Variants in ASIC2 observed in about 807,000 individuals in gnomAD.
ASIC2 encodes the protein acid sensing ion channel subunit 2.
ASIC2 carries 25 observed loss-of-function variants against 57.3 expected under a neutral mutation model. The observed-to-expected ratio is 0.44, with a 90% CI of 0.32 to 0.61. The LOEUF (loss-of-function observed/expected upper bound fraction) is 0.61. Ranked by LOEUF, ASIC2 falls within the 20% of genes least tolerant of loss-of-function variation. The pLI is 0.06. For missense variants in ASIC2, 641 were observed against 738.1 expected (o/e 0.87, Z 1.52); for synonymous variants, 319 against 307.5 (o/e 1.04, Z -0.39).
At chr17:33,677,489 C>A (rs955808005) in intron 1 of ASIC2, among the ~76,000 whole-genome samples, 1 of 152,258 alleles carries the variant, frequency 6.6e-6, no homozygotes, top group East Asian at 1.9e-4. Context: ...TGAATCCGGG[C>A]AAAGTGAATT....
chr17:33,900,102 G>T (rs994569802), intron 1 of ASIC2, among the ~76,000 whole-genome samples: 5 of 152,170 alleles, frequency 3.3e-5, no homozygotes, highest in African/African-American at 4.8e-5. Flanking sequence ...CATGGTAACC[G>T]CACATAGTAG....
chr17:33,148,259 C>T (rs971630803), intron 1 of ASIC2, among the ~76,000 whole-genome samples: 1 of 152,200 alleles, frequency 6.6e-6, no homozygotes, highest in South Asian at 2.1e-4. Context: ...ATACCATATG[C>T]TACCCACATA....
intron 1 of ASIC2, among the ~76,000 whole-genome samples, chr17:33,151,785 C>T (rs1904810222): frequency 6.6e-6 from 1 of 152,240 alleles, no homozygotes; most frequent in Non-Finnish European, 1.5e-5. Flanking sequence ...GCAGGCTCTT[C>T]GACCTTGGAC....
At chr17:33,462,061 T>G (rs1912655062) in intron 1 of ASIC2, among the ~76,000 whole-genome samples, 2 of 152,216 alleles carry the variant, frequency 1.3e-5, no homozygotes, top group African/African-American at 4.8e-5. Flanking sequence ...TTTCATGATA[T>G]TCAGGTAAGC....
intron 1 of ASIC2, among the ~76,000 whole-genome samples, chr17:34,021,837 G>GCT (rs780744177): frequency 8.5e-6 from 1 of 118,340 alleles, no homozygotes; most frequent in African/African-American, 3.1e-5. Flanking sequence ...GTTTTGTTTT[G>GCT]TTTTTTTTTT....
At chr17:33,691,225 C>A (rs1411340288) in intron 1 of ASIC2, among the ~76,000 whole-genome samples, 5 of 152,148 alleles carry the variant, frequency 3.3e-5, no homozygotes. Flanking sequence ...GTGAGAATAT[C>A]AGTGTGCTGA....
chr17:33,136,409 G>A (rs2092367390), intron 1 of ASIC2, among the ~76,000 whole-genome samples: 1 of 152,230 alleles, frequency 6.6e-6, no homozygotes, highest in Admixed American at 6.5e-5. Flanking sequence ...ACACAGGTAT[G>A]CACATGCATG....
At chr17:33,921,928 C>G (rs1488827643) in intron 1 of ASIC2, among the ~76,000 whole-genome samples, 1 of 152,134 alleles carries the variant, frequency 6.6e-6, no homozygotes, top group Non-Finnish European at 1.5e-5. Flanking sequence ...TCCAACCAAC[C>G]AAGAGCAATG....
intron 1 of ASIC2, among the ~76,000 whole-genome samples, chr17:33,657,025 C>T (rs1302144525): frequency 6.6e-6 from 1 of 152,152 alleles, no homozygotes; most frequent in Non-Finnish European, 1.5e-5. Flanking sequence ...ACAATGAGGA[C>T]AGGGAGGATG....
chr17:33,698,413 A>C (rs1353376756), intron 1 of ASIC2, among the ~76,000 whole-genome samples: 1 of 152,216 alleles, frequency 6.6e-6, no homozygotes, highest in Non-Finnish European at 1.5e-5. Flanking sequence ...AGTGTCTGGC[A>C]CATAGGAAGT....
intron 1 of ASIC2, among the ~76,000 whole-genome samples, chr17:33,560,105 G>A (rs777941801): frequency 1.3e-5 from 2 of 152,188 alleles, no homozygotes; most frequent in Non-Finnish European, 2.9e-5. Context: ...GATGAATACA[G>A]CTGTCGAGGC....
At chr17:33,464,406 C>G (rs1912740559) in intron 1 of ASIC2, among the ~76,000 whole-genome samples, 1 of 152,124 alleles carries the variant, frequency 6.6e-6, no homozygotes, top group Non-Finnish European at 1.5e-5. Context: ...AATTAAAAGA[C>G]ACTCCTCCTT....
intron 1 of ASIC2, among the ~76,000 whole-genome samples, chr17:33,420,476 G>T (rs763416830): frequency 6.6e-6 from 1 of 152,176 alleles, no homozygotes; most frequent in Non-Finnish European, 1.5e-5. Context: ...ATGAACTAAA[G>T]GTATGGAGTG....
At chr17:33,977,503 G>A (rs1024762430) in intron 1 of ASIC2, among the ~76,000 whole-genome samples, 5 of 152,200 alleles carry the variant, frequency 3.3e-5, no homozygotes, top group African/African-American at 9.6e-5. Context: ...CAAAGTGCAC[G>A]TCTAGATTTC....
intron 1 of ASIC2, among the ~76,000 whole-genome samples, chr17:33,424,854 G>T (rs963700141): frequency 6.6e-6 from 1 of 152,108 alleles, no homozygotes; most frequent in Non-Finnish European, 1.5e-5. Context: ...GGCGGGCCAG[G>T]ATCTCAGTCC....
At chr17:33,088,250 C>T (rs2092142955) in intron 3 of ASIC2, among the ~76,000 whole-genome samples, 2 of 152,214 alleles carry the variant, frequency 1.3e-5, no homozygotes, top group African/African-American at 2.4e-5. Context: ...TGCCTCCTTA[C>T]TGAGAGTTTG....
At chr17:33,702,108 G>A (rs1478299730) in intron 1 of ASIC2, among the ~76,000 whole-genome samples, 2 of 152,178 alleles carry the variant, frequency 1.3e-5, no homozygotes, top group African/African-American at 4.8e-5. Flanking sequence ...CACAGACAAT[G>A]TCCTGGTTTA....
At chr17:33,289,832 G>A (rs542104562) in intron 1 of ASIC2, among the ~76,000 whole-genome samples, 104 of 152,284 alleles carry the variant, frequency 6.8e-4, no homozygotes, top group African/African-American at 2.4e-3. Flanking sequence ...TGGAGCAGGA[G>A]CGAGGGCCTG....
intron 1 of ASIC2, among the ~76,000 whole-genome samples, chr17:33,425,189 A>C (rs1321158743): frequency 2.6e-5 from 4 of 152,236 alleles, no homozygotes; most frequent in Non-Finnish European, 5.9e-5. Context: ...CTCAGTCTCT[A>C]AACTCCATGA....
Sources: gnomAD v4.1 joint callset for allele counts (sites outside exome capture counted in the v4.1 genomes callset) on GRCh38, gnomAD v4.1.1 for gene constraint, MANE v1.5 for transcripts, NCBI Gene and HGNC (gene_info 2026-07-23, HGNC 2026-07-21) for gene names.